FRS2: variants seen among roughly 807,000 people sequenced by gnomAD.
The protein encoded by FRS2 is FGFR signalling adaptor.
FRS2 carries 8 observed loss-of-function variants against 43.9 expected under a neutral mutation model. The ratio of observed to expected loss-of-function variants is 0.18; its 90% CI spans 0.11 to 0.33. The LOEUF (loss-of-function observed/expected upper bound fraction) is 0.33. Ranked by LOEUF, FRS2 falls within the 10% of genes least tolerant of loss-of-function variation. The pLI is 1.00. For missense variants in FRS2, 534 were observed against 627.6 expected (o/e 0.85, Z 1.59); for synonymous variants, 219 against 220.3 (o/e 0.99, Z 0.05).
intron 8 of FRS2, 41 bp downstream of exon 8, chr12:69,572,322 A>C: frequency 6.7e-7 from 1 of 1,494,872 alleles, no homozygotes; most frequent in South Asian, 1.1e-5. Context: ...ATGATTGTTC[A>C]GAGTTAGGGT....
In FRS2 at chr12:69,575,618, C is replaced by A. The variant is rs1205097792; in HGVS notation, c.*663C>A. 1.3e-5 allele frequency: 2 copies of A among 152,600 alleles called. No homozygotes were observed. The highest frequency in any genetic ancestry group is 2.9e-5 in the Non-Finnish European group (2 of 68,042). The allele number at this position is 152,600 out of a possible 1,614,324, so 9.5% of individuals were successfully genotyped here. ...TTTCTATTTACTCATCTCATGATGT[C>A]ATTTGAAGGGCATGTCCAGATATCT... On this transcript the variant is annotated 3_prime_UTR_variant, in exon 9 of 9. Coordinates refer to ENST00000549921, the MANE Select transcript of FRS2 (RefSeq NM_001278356.2).
chr12:69,541,866 A>T (rs1761009421), intron 3 of FRS2, among the ~76,000 whole-genome samples: 1 of 150,800 alleles, frequency 6.6e-6, no homozygotes, highest in South Asian at 2.1e-4. Context: ...TATTATTGTA[A>T]TTCAGGGGAA....
In FRS2 at chr12:69,572,298, G is replaced by A. The variant is rs1240697187; in HGVS notation, c.576+17G>A. On this transcript the variant is annotated intron_variant, in intron 8 of 8. Transcript: ENST00000549921. ...GAGGAACAAGTAAGCATGTGCTACT[G>A]TGTAACAGCAATAATGATTGTTCAG... is the stretch of plus-strand genomic sequence containing the variant. 1.9e-6 allele frequency: 3 copies of A among 1,591,998 alleles called. No individual in the cohort carries two copies. Among genetic ancestry groups the A allele is most frequent in the Non-Finnish European group, 2.6e-6 (3 of 1,161,054 alleles).
At chr12:69,491,136 C>T (rs560749769) in intron 1 of FRS2, among the ~76,000 whole-genome samples, 3 of 152,150 alleles carry the variant, frequency 2.0e-5, no homozygotes, top group Non-Finnish European at 4.4e-5. Context: ...TGCTCTGTCA[C>T]CCTGGCTGGA....
At chr12:69,570,614 A>G in intron 6 of FRS2, 97 bp downstream of exon 6, 1 of 715,252 alleles carries the variant, frequency 1.4e-6, no homozygotes, top group Non-Finnish European at 2.3e-6. Context: ...CTTCTGAAAA[A>G]AATCCCAAAA....
Position 69,578,402 on chromosome 12 carries a change from T to G in FRS2, c.*3447T>G, listed in dbSNP as rs1309901715. The stretch of plus-strand genomic sequence containing the variant: ...GAATGTAAAGAAAATGTTTTTGGCT[T>G]GAAAAATTAACATATTTTATGACGT... On this transcript the variant is annotated 3_prime_UTR_variant, in exon 9 of 9. Transcript: ENST00000549921. 1 of 152,642 alleles carries G rather than the reference T, an allele frequency of 6.6e-6. No individual in the cohort carries two copies. Among genetic ancestry groups the G allele is most frequent in the Non-Finnish European group, 1.5e-5 (1 of 68,020 alleles). 9.5% of individuals were successfully genotyped at this position (152,642 alleles called of 1,614,324 possible).
At chr12:69,507,881 G>A (rs1217405282) in intron 1 of FRS2, among the ~76,000 whole-genome samples, 1 of 151,958 alleles carries the variant, frequency 6.6e-6, no homozygotes, top group Admixed American at 6.6e-5. Context: ...AAAATTAACA[G>A]GGTGTGGTGG....
chr12:69,534,137 C>T (rs1289227056), intron 3 of FRS2, among the ~76,000 whole-genome samples: 1 of 152,104 alleles, frequency 6.6e-6, no homozygotes, highest in African/African-American at 2.4e-5. Context: ...TACACTATGA[C>T]ATTAAAAAGA....
At chr12:69,479,555 G>A (rs1871178838) in intron 1 of FRS2, among the ~76,000 whole-genome samples, 1 of 151,704 alleles carries the variant, frequency 6.6e-6, no homozygotes, top group Admixed American at 6.6e-5. Flanking sequence ...GTACCACCAC[G>A]CCTGGCTAAT....
Position 69,578,424 on chromosome 12 carries a change from A to T in FRS2, c.*3469A>T, listed in dbSNP as rs929155989. ...GCTTGAAAAATTAACATATTTTATG[A>T]CGTACCACAGTATACTCTGCCCAAA... On this transcript the variant is annotated 3_prime_UTR_variant, in exon 9 of 9. Transcript: ENST00000549921. 7 of 152,552 alleles carry T rather than the reference A, an allele frequency of 4.6e-5. No individual in the cohort carries two copies. Among genetic ancestry groups the T allele is most frequent in the African/African-American group, 1.7e-4 (7 of 41,450 alleles). The allele number at this position is 152,552 out of a possible 1,614,324, so 9.4% of individuals were successfully genotyped here.
intron 1 of FRS2, among the ~76,000 whole-genome samples, chr12:69,515,847 A>G (rs1324312394): frequency 6.7e-6 from 1 of 149,876 alleles, no homozygotes; most frequent in Admixed American, 6.7e-5. Flanking sequence ...ACCAGTTTAC[A>G]TTTTATATTG....
At chr12:69,518,958 T>C (rs551097473) in intron 1 of FRS2, among the ~76,000 whole-genome samples, 9 of 147,890 alleles carry the variant, frequency 6.1e-5, no homozygotes, top group Non-Finnish European at 1.3e-4. Flanking sequence ...GTAGCGCCCT[T>C]GCACTCCAGC....
chr12:69,509,624 AT>A (rs1417509065), intron 1 of FRS2, among the ~76,000 whole-genome samples: 1 of 151,936 alleles, frequency 6.6e-6, no homozygotes, highest in Non-Finnish European at 1.5e-5. Context: ...CTTGGCAACC[AT>A]TATTCTACTT....
intron 1 of FRS2, among the ~76,000 whole-genome samples, chr12:69,496,641 A>T (rs1440754626): frequency 6.6e-6 from 1 of 152,240 alleles, no homozygotes; most frequent in East Asian, 1.9e-4. Context: ...ATAATAGTGT[A>T]TAACAATTCT....
chr12:69,474,308 G>A lies in FRS2; in HGVS notation c.-261+3778G>A, dbSNP rs185658284. On this transcript the variant is annotated intron_variant, in intron 1 of 8. Coordinates refer to ENST00000549921, the MANE Select transcript of FRS2 (RefSeq NM_001278356.2). Reference sequence around the variant, plus strand: ...TTTGGAAATGTGGATTTGTGGTTAAGGGGAGAGGTCAGGACTAGGCATATA... The same window carrying A: ...TTTGGAAATGTGGATTTGTGGTTAAAGGGAGAGGTCAGGACTAGGCATATA... Among the ~76,000 whole-genome samples the A allele has an allele frequency of 1.4e-4, 21 of 152,284 alleles. No homozygotes were observed. In the East Asian group the frequency reaches 3.9e-3, roughly 28 times the overall value.
intron 1 of FRS2, among the ~76,000 whole-genome samples, chr12:69,508,007 A>C (rs1175522134): frequency 2.7e-5 from 4 of 145,558 alleles, no homozygotes. Context: ...CTGGGCAACA[A>C]GAGCGAAACC....
At chr12:69,517,734 G>A (rs1875199004) in intron 1 of FRS2, among the ~76,000 whole-genome samples, 1 of 152,026 alleles carries the variant, frequency 6.6e-6, no homozygotes, top group Admixed American at 6.5e-5. Flanking sequence ...ATACATGTAT[G>A]TTATACATGT....
At chr12:69,473,758 T>G (rs1198436370) in intron 1 of FRS2, among the ~76,000 whole-genome samples, 1 of 152,012 alleles carries the variant, frequency 6.6e-6, no homozygotes, top group Non-Finnish European at 1.5e-5. Context: ...GGAATTAGAG[T>G]GAAGGCTCTG....
At chr12:69,478,436 C>A (rs1028665642) in intron 1 of FRS2, among the ~76,000 whole-genome samples, 1 of 151,852 alleles carries the variant, frequency 6.6e-6, no homozygotes, top group African/African-American at 2.4e-5. Flanking sequence ...AATATGAATA[C>A]CCACATGGGG....
Sources: gnomAD v4.1 joint callset for allele counts (sites outside exome capture counted in the v4.1 genomes callset) on GRCh38, gnomAD v4.1.1 for gene constraint, MANE v1.5 for transcripts, NCBI Gene and HGNC (gene_info 2026-07-23, HGNC 2026-07-21) for gene names.